Variants in ZNF804A observed in about 807,000 individuals in gnomAD.
ZNF804A encodes the protein zinc finger protein 804A.
A neutral mutation model predicts 16.5 loss-of-function variants in ZNF804A; 2 were observed. The ratio of observed to expected loss-of-function variants is 0.12; its 90% CI spans 0.05 to 0.38. The LOEUF is 0.38. Ranked by LOEUF, ZNF804A falls within the 10% of genes least tolerant of loss-of-function variation. The pLI, the probability that ZNF804A is intolerant of heterozygous loss-of-function variation, is 0.99. For missense variants in ZNF804A, 1,473 were observed against 1,390.7 expected (o/e 1.06, Z -0.94); for synonymous variants, 534 against 489.6 (o/e 1.09, Z -1.20).
chr2:184,719,981 T>C (rs561662656), intron 1 of ZNF804A, among the ~76,000 whole-genome samples: 147 of 152,318 alleles, frequency 9.7e-4, no homozygotes, highest in African/African-American at 3.5e-3. Context: ...GATAATGTCA[T>C]GTCCAAGACT....
intron 1 of ZNF804A, among the ~76,000 whole-genome samples, chr2:184,852,051 T>C (rs1695611424): frequency 6.6e-6 from 1 of 151,758 alleles, no homozygotes; most frequent in African/African-American, 2.4e-5. Context: ...TCTTAGTCTT[T>C]AGTCATTTGA....
chr2:184,713,082 G>T (rs571712260), intron 1 of ZNF804A, among the ~76,000 whole-genome samples: 91 of 151,480 alleles, frequency 6.0e-4, no homozygotes, highest in Middle Eastern at 6.8e-3. Context: ...AATTCTTTTT[G>T]TTCCTTGTGG....
intron 2 of ZNF804A, among the ~76,000 whole-genome samples, chr2:184,895,716 A>C (rs189709069): frequency 3.8e-4 from 58 of 152,354 alleles, no homozygotes; most frequent in African/African-American, 1.4e-3. Flanking sequence ...ATTCCATGGG[A>C]TTTTACTTCA....
chr2:184,683,620 G>A (rs1175960080), intron 1 of ZNF804A, among the ~76,000 whole-genome samples: 13 of 152,134 alleles, frequency 8.5e-5, no homozygotes, highest in Admixed American at 6.5e-4. Flanking sequence ...CTAAAGCAGA[G>A]TTGCTAAATG....
At chr2:184,910,296 A>G (rs1340183771) in intron 2 of ZNF804A, among the ~76,000 whole-genome samples, 1 of 151,978 alleles carries the variant, frequency 6.6e-6, no homozygotes, top group Non-Finnish European at 1.5e-5. Context: ...GCTGTAAAGG[A>G]CATGATTTTG....
chr2:184,758,901 C>T (rs148503880), intron 1 of ZNF804A, among the ~76,000 whole-genome samples: 2 of 151,930 alleles, frequency 1.3e-5, no homozygotes, highest in Non-Finnish European at 2.9e-5. Context: ...TATATCTATG[C>T]TTGTTTACAT....
rs754516369 is a variant in ZNF804A at position 184,938,758 on chromosome 2, C to A, written c.3362C>A (p.Thr1121Asn). 5.0e-6 allele frequency: 8 copies of A among 1,613,522 alleles called. No individual in the cohort carries two copies. The African/African-American group carries it at 5.3e-5, about 11-fold the overall frequency. ...AAAAAAAAAG[T>N]FKVLQPHQQF... ...GCAGCTGCAGCCGCAGCTGCAGGAA[C>A]CTTTAAAGTGCTTCAGCCACACCAA... The change falls in exon 4 of 4, where the codon ACC becomes AAC. Residue 1121 changes from threonine (T) to asparagine (N), a missense_variant. Transcript: ENST00000302277.
chr2:184,618,449 GA>G (rs919784125), intron 1 of ZNF804A, among the ~76,000 whole-genome samples: 10 of 152,012 alleles, frequency 6.6e-5, no homozygotes, highest in Non-Finnish European at 1.3e-4. Context: ...ACCAAGATAG[GA>G]AAAAAAGATT....
intron 1 of ZNF804A, among the ~76,000 whole-genome samples, chr2:184,768,089 CA>C (rs761600409): frequency 7.6e-4 from 116 of 151,966 alleles, no homozygotes; most frequent in Non-Finnish European, 1.1e-3. Flanking sequence ...CAACCCGGAT[CA>C]AAATATTCAA....
At chr2:184,864,435 A>G (rs7558878) in intron 1 of ZNF804A, among the ~76,000 whole-genome samples, 48,716 of 152,026 alleles carry the variant, frequency 0.32, 10,600 homozygotes, top group African/African-American at 0.62. Flanking sequence ...TTAACATGAG[A>G]TTTAGAAGGG....
chr2:184,679,623 C>A (rs1692504445), intron 1 of ZNF804A, among the ~76,000 whole-genome samples: 2 of 152,178 alleles, frequency 1.3e-5, no homozygotes, highest in South Asian at 4.1e-4. Flanking sequence ...GATTTCAGAG[C>A]AAAGTTGAGG....
rs1236772302 is a variant in ZNF804A at position 184,639,997 on chromosome 2, G to A, written c.111+40927G>A. 7.2e-5 allele frequency among the ~76,000 whole-genome samples: 11 copies of A among 151,790 alleles called. No individual in the cohort carries two copies. The South Asian group carries it at 1.9e-3, about 26-fold the overall frequency. On this transcript the variant is annotated intron_variant, in intron 1 of 3. Transcript: ENST00000302277. ...AGCCTGGGCGACAGGGCGAGACTGC[G>A]TCTCAAAAAAGTAAATTAATTTAAT... is the stretch of plus-strand genomic sequence containing the variant.
intron 1 of ZNF804A, among the ~76,000 whole-genome samples, chr2:184,757,873 T>C (rs1477869387): frequency 6.6e-6 from 1 of 152,006 alleles, no homozygotes; most frequent in Admixed American, 6.6e-5. Context: ...CTTGAATAAA[T>C]AGACATTTCA....
intron 1 of ZNF804A, among the ~76,000 whole-genome samples, chr2:184,705,730 AAC>A (rs143221588): frequency 9.9e-5 from 15 of 151,530 alleles, no homozygotes; most frequent in Middle Eastern, 6.9e-3. Context: ...ACACACACAT[AAC>A]ACACACACAC....
intron 1 of ZNF804A, among the ~76,000 whole-genome samples, chr2:184,824,663 T>C (rs576524663): frequency 2.6e-5 from 4 of 152,280 alleles, no homozygotes; most frequent in African/African-American, 9.6e-5. Flanking sequence ...TTTTTTATTG[T>C]AATTCTGGAT....
At chr2:184,768,053 A>G (rs976956672) in intron 1 of ZNF804A, among the ~76,000 whole-genome samples, 1 of 152,144 alleles carries the variant, frequency 6.6e-6, no homozygotes, top group African/African-American at 2.4e-5. Flanking sequence ...CTCCGTATCT[A>G]CAGATTCCTC....
chr2:184,792,492 C>A (rs1224413979), intron 1 of ZNF804A, among the ~76,000 whole-genome samples: 1 of 151,940 alleles, frequency 6.6e-6, no homozygotes, highest in Non-Finnish European at 1.5e-5. Context: ...ATCTTTTGCC[C>A]ATTTCTTCAT....
At chr2:184,682,509 G>A (rs1479963130) in intron 1 of ZNF804A, among the ~76,000 whole-genome samples, 1 of 151,936 alleles carries the variant, frequency 6.6e-6, no homozygotes, top group Non-Finnish European at 1.5e-5. Context: ...TAATTCATGT[G>A]GTAGAAGATG....
In ZNF804A at chr2:184,938,532, A is replaced by G; in HGVS notation, c.3136A>G (p.Asn1046Asp). The G allele has an allele frequency of 4.3e-6, 7 of 1,614,048 alleles. No individual in the cohort carries two copies. Among genetic ancestry groups the G allele is most frequent in the Non-Finnish European group, 5.9e-6 (7 of 1,180,008 alleles). Residue 1046 changes from asparagine to aspartate, a missense_variant, in exon 4 of 4, where the codon AAT (asparagine) becomes GAT (aspartate). Asn to Asp is a conservative substitution (Grantham distance 23). Coordinates refer to ENST00000302277, the MANE Select transcript of ZNF804A (RefSeq NM_194250.2). ...IPLENHDKFK[N>D]VPCEVYQHIL... ...ACTAGAAAACCATGACAAATTCAAA[A>G]ATGTACCATGTGAGGTCTACCAGCA...
Sources: allele counts gnomAD v4.1 joint callset (sites outside exome capture counted in the v4.1 genomes callset), GRCh38; gene constraint gnomAD v4.1.1; transcripts MANE v1.5; gene names NCBI Gene and HGNC (gene_info 2026-07-23, HGNC 2026-07-21).